The following SYNJ2 variants were observed in gnomAD, a reference collection of about 807,000 sequenced individuals.
SYNJ2 encodes polyphosphatidylinositol phosphatase SYNJ2.
SYNJ2 carries 116 observed loss-of-function variants against 141.3 expected under a neutral mutation model. That is an observed-to-expected ratio of 0.82 (90% CI 0.71 to 0.96). SYNJ2 has a LOEUF of 0.96. SYNJ2 is among the 40% of genes least tolerant of loss of function. The pLI is 0.00. For synonymous variants in SYNJ2, 745 were observed against 777.7 expected (o/e 0.96, Z 0.70); for missense variants, 1,873 against 1,934.8 (o/e 0.97, Z 0.60).
intron 23 of SYNJ2, 96 bp downstream of exon 23, chr6:158,087,085 C>A: frequency 6.3e-6 from 9 of 1,423,606 alleles, no homozygotes; most frequent in Non-Finnish European, 8.6e-6. Flanking sequence ...CACTTCTCCC[C>A]GGCCTTCCGG....
At chr6:158,074,770 G>A (rs1293009216) in intron 16 of SYNJ2, 32 bp downstream of exon 16, 3 of 1,607,232 alleles carry the variant, frequency 1.9e-6, no homozygotes. Flanking sequence ...TTTTTTAGCA[G>A]CTGCTCCAAG....
chr6:158,076,104 C>T (rs1437468967), intron 16 of SYNJ2, among the ~76,000 whole-genome samples: 2 of 152,224 alleles, frequency 1.3e-5, no homozygotes, highest in Non-Finnish European at 2.9e-5. Flanking sequence ...AGGAGGATCA[C>T]ATGAGCCCCA....
intron 4 of SYNJ2, among the ~76,000 whole-genome samples, chr6:158,038,248 G>A (rs763796476): frequency 4.0e-5 from 6 of 151,890 alleles, no homozygotes; most frequent in Non-Finnish European, 8.8e-5. Context: ...GTCCTTTTTC[G>A]TCCTCTGGGC....
chr6:158,045,939 T>A lies in SYNJ2; in HGVS notation c.795+2540T>A, dbSNP rs548834188. On this transcript the variant is annotated intron_variant, in intron 5 of 26. Coordinates refer to ENST00000355585, the MANE Select transcript of SYNJ2 (RefSeq NM_003898.4). ...AAGCCTCCATGGTTTCTTCTTTTTGTTTCTTGTTTTGTTTTGTTTTTGAGA... is the reference window on the plus strand; with the variant it reads ...AAGCCTCCATGGTTTCTTCTTTTTGATTCTTGTTTTGTTTTGTTTTTGAGA... 7.2e-5 allele frequency among the ~76,000 whole-genome samples: 11 copies of A among 151,964 alleles called. No individual in the cohort carries two copies. The South Asian group carries it at 2.3e-3, about 32-fold the overall frequency.
At chr6:158,025,955 A>T (rs1779018181) in intron 2 of SYNJ2, among the ~76,000 whole-genome samples, 1 of 149,004 alleles carries the variant, frequency 6.7e-6, no homozygotes, top group South Asian at 2.1e-4. Context: ...TCTGTCTCAA[A>T]AAATAAATAA....
rs1033186350 is a variant in SYNJ2, at chr6:158,084,937, C to T, written c.3208+763C>T. 1.8e-4 allele frequency among the ~76,000 whole-genome samples: 28 copies of T among 151,588 alleles called. No individual in the cohort carries two copies. Among genetic ancestry groups the T allele is most frequent in the African/African-American group, 5.3e-4 (22 of 41,178 alleles). On this transcript the variant is annotated intron_variant, in intron 22 of 26. Transcript: ENST00000355585. This position sits in a 1 kb window ranked among gnomAD's most constrained non-coding sequence, Gnocchi z 5.0. ...CATATTATTATACAGTCATGTCATA[C>T]GGTCACATCATTGTATCATTTTAGA... is the stretch of plus-strand genomic sequence containing the variant.
At chr6:158,064,508 T>G in intron 9 of SYNJ2, 93 bp from the exon 10 acceptor site, 1 of 1,501,726 alleles carries the variant, frequency 6.7e-7, no homozygotes, top group Non-Finnish European at 9.1e-7. Context: ...CACAGCGTAA[T>G]CCACAGGCTG....
chr6:157,984,600 TGCCA>T (rs1777130685), intron 1 of SYNJ2, among the ~76,000 whole-genome samples: 1 of 151,942 alleles, frequency 6.6e-6, no homozygotes, highest in Non-Finnish European at 1.5e-5. Context: ...GACGGGGTTG[TGCCA>T]TTTTGGCCAG....
chr6:158,033,072 T>A (rs971765638), intron 3 of SYNJ2, among the ~76,000 whole-genome samples: 2 of 152,240 alleles, frequency 1.3e-5, no homozygotes, highest in Non-Finnish European at 2.9e-5. Context: ...TTTTTACCAA[T>A]GGGGCCTGCG....
intron 1 of SYNJ2, chr6:158,002,101 G>T (rs931375533): frequency 1.3e-5 from 2 of 152,404 alleles, no homozygotes; most frequent in African/African-American, 4.8e-5. Context: ...CACAGATGAA[G>T]CATTTTCTTC....
Position 157,982,565 on chromosome 6 carries a change from C to T in SYNJ2, c.127+477C>T, listed in dbSNP as rs1455919005. ...GAGAAACCGCTGATGGCAGCTTTGTCCCACGTAAATACTTGGTCGAGAAGC... is the reference window on the plus strand; with the variant it reads ...GAGAAACCGCTGATGGCAGCTTTGTTCCACGTAAATACTTGGTCGAGAAGC... On this transcript the variant is annotated intron_variant, in intron 1 of 26. Transcript: ENST00000355585. The surrounding 1 kb of genome is among the most constrained non-coding windows in gnomAD (Gnocchi z 4.0). Among the ~76,000 whole-genome samples the T allele has an allele frequency of 6.6e-6, 1 of 152,190 alleles. No individual in the cohort carries two copies. The highest frequency in any genetic ancestry group is 2.1e-4 in the South Asian group (1 of 4,828).
At chr6:158,081,560 T>TAAAAATAGGGA in intron 20 of SYNJ2, 50 bp downstream of exon 20, 1 of 1,443,414 alleles carries the variant, frequency 6.9e-7, no homozygotes, top group Non-Finnish European at 9.7e-7. Context: ...CAATCCCTCT[T>TAAAAATAGGGA]TTTATGTGGG....
chr6:158,044,508 G>C (rs1019342957), intron 5 of SYNJ2, among the ~76,000 whole-genome samples: 1 of 152,188 alleles, frequency 6.6e-6, no homozygotes, highest in Non-Finnish European at 1.5e-5. Flanking sequence ...GCACCACACT[G>C]CACGAGATAA....
intron 1 of SYNJ2, among the ~76,000 whole-genome samples, chr6:157,988,071 C>T (rs937944107): frequency 6.6e-6 from 1 of 152,242 alleles, no homozygotes; most frequent in African/African-American, 2.4e-5. Flanking sequence ...TCCTGCTGCT[C>T]AAGACCCTGG....
At chr6:158,055,303 T>C (rs773234107) in intron 6 of SYNJ2, among the ~76,000 whole-genome samples, 1 of 152,252 alleles carries the variant, frequency 6.6e-6, no homozygotes, top group African/African-American at 2.4e-5. Flanking sequence ...TTCATCTCTA[T>C]GCCCTGGTTA....
rs1272203395 is a variant in SYNJ2 at position 158,040,314 on chromosome 6, AGT to A, written c.712-2996_712-2995del. 3.3e-5 allele frequency among the ~76,000 whole-genome samples: 5 copies of A among 151,962 alleles called. No individual in the cohort carries two copies. Among genetic ancestry groups the A allele is most frequent in the African/African-American group, 4.8e-5 (2 of 41,354 alleles). On this transcript the variant is annotated intron_variant, in intron 4 of 26. Transcript: ENST00000355585. The surrounding 1 kb of genome is among the most constrained non-coding windows in gnomAD (Gnocchi z 4.2). ...GTTTGTTTTTCATGTGTATGTGTGC[AGT>A]GTGTGCATTTATGTGTTGTATACAC...
intron 1 of SYNJ2, among the ~76,000 whole-genome samples, chr6:157,997,849 C>T (rs759802115): frequency 2.0e-5 from 3 of 152,234 alleles, no homozygotes; most frequent in Non-Finnish European, 4.4e-5. Flanking sequence ...CCCTAACCAT[C>T]GTGGAGGCTG....
chr6:158,024,666 T>C (rs2128333180), intron 2 of SYNJ2, among the ~76,000 whole-genome samples: 1 of 152,326 alleles, frequency 6.6e-6, no homozygotes, highest in Non-Finnish European at 1.5e-5. Flanking sequence ...TTTAAACACT[T>C]GGAGTTGAGG....
At chr6:158,012,099 G>T (rs1263296442) in intron 1 of SYNJ2, among the ~76,000 whole-genome samples, 1 of 152,118 alleles carries the variant, frequency 6.6e-6, no homozygotes, top group African/African-American at 2.4e-5. Flanking sequence ...TCCCAGGAGG[G>T]CCCTGTAGGT....
Sources: allele counts gnomAD v4.1 joint callset (sites outside exome capture counted in the v4.1 genomes callset), GRCh38; gene constraint gnomAD v4.1.1; non-coding constraint Gnocchi (gnomAD v3.1); transcripts MANE v1.5; gene names NCBI Gene and HGNC (gene_info 2026-07-23, HGNC 2026-07-21).